The following DNAJC15 variants were observed in gnomAD, a reference collection of about 807,000 sequenced individuals.
The protein encoded by DNAJC15 is dnaJ homolog subfamily C member 15.
DNAJC15 carries 27 observed loss-of-function variants against 22.4 expected under a neutral mutation model. The observed-to-expected ratio is 1.20, with a 90% CI of 0.89 to 1.66. The LOEUF (loss-of-function observed/expected upper bound fraction) is 1.66, where lower values mean the gene tolerates loss of function less well. DNAJC15 is among the 40% of genes most tolerant of loss of function. The pLI is 0.00. For synonymous variants in DNAJC15, 79 were observed against 63.2 expected (o/e 1.25, Z -1.19); for missense variants, 208 against 187.1 (o/e 1.11, Z -0.65).
rs2040802562 is a variant in DNAJC15 at position 43,107,392 on chromosome 13, A to G, written c.*144A>G. ...TCTTCCACCATTAAGCTGTATAACA[A>G]TAAAATGTTAATAGTCTTGCTTTTT... is the stretch of plus-strand genomic sequence containing the variant. On this transcript the variant is annotated 3_prime_UTR_variant, in exon 6 of 6. Coordinates refer to ENST00000379221, the MANE Select transcript of DNAJC15 (RefSeq NM_013238.3). 3.8e-6 allele frequency: 2 copies of G among 527,908 alleles called. No individual in the cohort carries two copies. Among genetic ancestry groups the G allele is most frequent in the Non-Finnish European group, 6.2e-6 (2 of 324,354 alleles). The allele number at this position is 527,908 out of a possible 1,614,324, so 32.7% of individuals were successfully genotyped here.
chr13:43,055,656 AC>A (rs2040527140), intron 1 of DNAJC15, among the ~76,000 whole-genome samples: 1 of 151,886 alleles, frequency 6.6e-6, no homozygotes, highest in Admixed American at 6.6e-5. Context: ...TACCAATTTT[AC>A]TTATCTTTTC....
chr13:43,095,364 C>G (rs1479032348), intron 5 of DNAJC15, among the ~76,000 whole-genome samples: 1 of 152,032 alleles, frequency 6.6e-6, no homozygotes, highest in Admixed American at 6.6e-5. Context: ...TGGGGATGAT[C>G]TAGAGTGGAC....
intron 2 of DNAJC15, among the ~76,000 whole-genome samples, chr13:43,068,638 A>C (rs150533073): frequency 1.4e-4 from 21 of 152,190 alleles, no homozygotes; most frequent in African/African-American, 3.8e-4. Flanking sequence ...TTTGTGACCT[A>C]TACCATAATA....
At position 43,023,636 on chromosome 13, in the gene DNAJC15, C is replaced by G. The variant is rs35918532; in HGVS notation, c.10C>G (p.Arg4Gly). The part of the protein sequence containing the change: MAA[R>G]GVIAPVGESL... Reference sequence around the variant, plus strand: ...TCCGGGCCGCCTTGCCATGGCTGCCCGTGGTGTCATCGCTCCAGTTGGCGA... The same window carrying G: ...TCCGGGCCGCCTTGCCATGGCTGCCGGTGGTGTCATCGCTCCAGTTGGCGA... The change falls in exon 1 of 6, where the codon CGT (arginine) becomes GGT (glycine). Residue 4 changes from arginine (R) to glycine (G), a missense_variant. Arg to Gly is a moderately radical substitution (Grantham distance 125). Transcript: ENST00000379221. The G allele has an allele frequency of 3.6e-4, 575 of 1,610,796 alleles. 1 individual carries two copies. The highest frequency in any genetic ancestry group is 4.8e-4 in the Non-Finnish European group (565 of 1,178,820).
chr13:43,082,222 A>G (rs1331420723), intron 4 of DNAJC15, among the ~76,000 whole-genome samples: 1 of 151,952 alleles, frequency 6.6e-6, no homozygotes, highest in African/African-American at 2.4e-5. Flanking sequence ...TCCATTTGCC[A>G]GAAGGTCCAA....
chr13:43,110,098 GTC>G lies in DNAJC15; in HGVS notation c.*2854_*2855del, dbSNP rs1477853885. The G allele has an allele frequency of 6.6e-6, 1 of 152,238 alleles. No individual in the cohort carries two copies. 9.4% of individuals were successfully genotyped at this position (152,238 alleles called of 1,614,324 possible). On this transcript the variant is annotated 3_prime_UTR_variant, in exon 6 of 6. Coordinates refer to ENST00000379221, the MANE Select transcript of DNAJC15 (RefSeq NM_013238.3). Reference sequence around the variant, plus strand: ...GGATAGAACATGGTGGGGACAGCTCGTCTCTATTCCTTGCAGCATTAACAGGC... The same window carrying G: ...GGATAGAACATGGTGGGGACAGCTCGTCTATTCCTTGCAGCATTAACAGGC...
intron 5 of DNAJC15, among the ~76,000 whole-genome samples, chr13:43,090,117 A>G (rs527672942): frequency 1.3e-5 from 2 of 152,376 alleles, no homozygotes; most frequent in Admixed American, 1.3e-4. Context: ...TGATTCATGA[A>G]TTGGGCAGCA....
chr13:43,046,436 A>G (rs912717963), intron 1 of DNAJC15, among the ~76,000 whole-genome samples: 5 of 152,142 alleles, frequency 3.3e-5, no homozygotes, highest in African/African-American at 1.2e-4. Context: ...AGGCCGACTA[A>G]GAATTCCTAA....
intron 5 of DNAJC15, among the ~76,000 whole-genome samples, chr13:43,090,891 G>A (rs1320209915): frequency 1.3e-5 from 2 of 150,956 alleles, no homozygotes; most frequent in Non-Finnish European, 3.0e-5. Flanking sequence ...TGTATTTTTA[G>A]TAGAGATGGG....
rs565927544 is a variant in DNAJC15, at chr13:43,111,410, C to T, written c.*4162C>T. On this transcript the variant is annotated 3_prime_UTR_variant, in exon 6 of 6. Transcript: ENST00000379221. ...ATTAATGGGCGTGCTTATGATTGAT[C>T]ACCCAGCAGCATCATTAGAAATAAT... is the stretch of plus-strand genomic sequence containing the variant. The T allele has an allele frequency of 6.6e-6, 1 of 152,172 alleles. No homozygotes were observed. The highest frequency in any genetic ancestry group is 2.4e-5 in the African/African-American group (1 of 41,436). The allele number at this position is 152,172 out of a possible 1,614,324, so 9.4% of individuals were successfully genotyped here. A position where few individuals can be genotyped will look rare whatever the true frequency, so the allele number is the denominator to read the frequency against.
Position 43,025,640 on chromosome 13 carries a change from C to T in DNAJC15, c.108+1906C>T, listed in dbSNP as rs141856257. Among the ~76,000 whole-genome samples the T allele has an allele frequency of 7.2e-5, 11 of 152,294 alleles. No individual in the cohort carries two copies. The East Asian group carries it at 1.7e-3, about 24-fold the overall frequency. ...TGTCTACAGGCTGCGAGCGGTGTCT[C>T]GCTCCTATAATCCCAGCAATTTGGG... On this transcript the variant is annotated intron_variant, in intron 1 of 5. Coordinates refer to ENST00000379221, the MANE Select transcript of DNAJC15 (RefSeq NM_013238.3).
intron 1 of DNAJC15, among the ~76,000 whole-genome samples, chr13:43,054,957 G>A (rs1159845564): frequency 5.3e-5 from 8 of 152,138 alleles, no homozygotes; most frequent in Admixed American, 3.9e-4. Flanking sequence ...GAAGGAGGGC[G>A]GGGAGTCTCC....
intron 1 of DNAJC15, among the ~76,000 whole-genome samples, chr13:43,050,999 A>T (rs2153440247): frequency 6.6e-6 from 1 of 152,110 alleles, no homozygotes; most frequent in African/African-American, 2.4e-5. Context: ...TTTGAGACTA[A>T]GTCTCACTGT....
intron 1 of DNAJC15, among the ~76,000 whole-genome samples, chr13:43,056,742 C>T (rs993976026): frequency 1.3e-5 from 2 of 152,094 alleles, no homozygotes; most frequent in Non-Finnish European, 2.9e-5. Flanking sequence ...TCCTGTTGGA[C>T]TGATCTTTTT....
chr13:43,047,588 C>T (rs924346125), intron 1 of DNAJC15, among the ~76,000 whole-genome samples: 1 of 152,116 alleles, frequency 6.6e-6, no homozygotes, highest in Non-Finnish European at 1.5e-5. Flanking sequence ...TGTTAGGATA[C>T]AGGTATTTGT....
intron 5 of DNAJC15, among the ~76,000 whole-genome samples, chr13:43,086,612 A>G (rs2040689962): frequency 1.3e-5 from 2 of 152,168 alleles, no homozygotes; most frequent in South Asian, 4.1e-4. Context: ...CAGCTTTCTC[A>G]CTTAATTACT....
chr13:43,045,128 G>T (rs1009446174), intron 1 of DNAJC15, among the ~76,000 whole-genome samples: 4 of 152,110 alleles, frequency 2.6e-5, no homozygotes, highest in Non-Finnish European at 5.9e-5. Flanking sequence ...TCTTCCTGCT[G>T]TATGCACACT....
chr13:43,093,214 A>G (rs995999457), intron 5 of DNAJC15, among the ~76,000 whole-genome samples: 16 of 151,948 alleles, frequency 1.1e-4, no homozygotes, highest in African/African-American at 3.6e-4. Flanking sequence ...TCTTAAATAT[A>G]TTACTTATAG....
chr13:43,099,421 G>A (rs2153442180), intron 5 of DNAJC15, among the ~76,000 whole-genome samples: 1 of 152,122 alleles, frequency 6.6e-6, no homozygotes, highest in South Asian at 2.1e-4. Context: ...TTACAATGTT[G>A]ACTAGGTTTA....
Sources: gnomAD v4.1 joint callset for allele counts (sites outside exome capture counted in the v4.1 genomes callset) on GRCh38, gnomAD v4.1.1 for gene constraint, MANE v1.5 for transcripts, NCBI Gene and HGNC (gene_info 2026-07-23, HGNC 2026-07-21) for gene names.